Variants in PLXDC2 observed in about 807,000 individuals in gnomAD.
The protein encoded by PLXDC2 is plexin domain-containing protein 2.
Under a neutral mutation model 68.9 loss-of-function variants are expected in PLXDC2, and 40 were observed. The observed-to-expected ratio is 0.58, with a 90% confidence interval of 0.45 to 0.76. The LOEUF (loss-of-function observed/expected upper bound fraction) is 0.76, where lower values mean the gene tolerates loss of function less well. Among genes scored for constraint, PLXDC2 ranks in the 30% least tolerant of loss-of-function variants. The probability of loss-of-function intolerance (pLI) is 0.00; values close to 1 mark genes in which losing one functional copy is unlikely to be tolerated. For synonymous variants in PLXDC2, 243 were observed against 234.2 expected (o/e 1.04, Z -0.34); for missense variants, 644 against 661.9 (o/e 0.97, Z 0.30).
intron 1 of PLXDC2, among the ~76,000 whole-genome samples, chr10:19,891,675 C>T (rs752275393): frequency 4.6e-5 from 7 of 152,174 alleles, no homozygotes; most frequent in Non-Finnish European, 8.8e-5. Flanking sequence ...TCGGTAACCT[C>T]TGGAGCGATT....
chr10:19,926,067 T>C (rs1833533870), intron 1 of PLXDC2, among the ~76,000 whole-genome samples: 1 of 152,066 alleles, frequency 6.6e-6, no homozygotes, highest in South Asian at 2.1e-4. Context: ...ATAGGACAAA[T>C]AGGAGTAAAC....
chr10:20,142,432 A>G (rs2460594), intron 4 of PLXDC2, among the ~76,000 whole-genome samples: 136,663 of 152,082 alleles, frequency 0.9, 61,674 homozygotes, highest in Non-Finnish European at 0.94. Context: ...CTCCTTTCAG[A>G]CAGCTAAAGA....
At chr10:19,865,188 C>T (rs1395670689) in intron 1 of PLXDC2, among the ~76,000 whole-genome samples, 2 of 152,138 alleles carry the variant, frequency 1.3e-5, no homozygotes, top group African/African-American at 2.4e-5. Flanking sequence ...TGTAAGACCA[C>T]GGATTTTCTG....
chr10:20,024,099 T>C (rs1435471629), intron 2 of PLXDC2, among the ~76,000 whole-genome samples: 1 of 152,176 alleles, frequency 6.6e-6, no homozygotes, highest in Non-Finnish European at 1.5e-5. Context: ...CCACCTACAG[T>C]TTCCAAGGCA....
At position 19,952,451 on chromosome 10, in the gene PLXDC2, G is replaced by A. The variant is rs145119352; in HGVS notation, c.113-49324G>A. On this transcript the variant is annotated intron_variant, in intron 1 of 13. Transcript: ENST00000377252. ...ATTCAACCTTAATTGAATAAATACC[G>A]TATGGATTCTCCCACAGGATCTCAA... 4.1e-3 allele frequency among the ~76,000 whole-genome samples: 627 copies of A among 152,238 alleles called. 5 individuals are homozygous for A. Among genetic ancestry groups the A allele is most frequent in the African/African-American group, 0.013 (537 of 41,538 alleles).
chr10:20,174,975 G>T (rs752086194), intron 7 of PLXDC2, among the ~76,000 whole-genome samples: 3 of 152,034 alleles, frequency 2.0e-5, no homozygotes, highest in Non-Finnish European at 2.9e-5. Context: ...GGAGGTCATC[G>T]TTGGGTGTAA....
chr10:20,034,275 A>G (rs1835544737), intron 2 of PLXDC2, among the ~76,000 whole-genome samples: 2 of 152,320 alleles, frequency 1.3e-5, no homozygotes, highest in South Asian at 4.1e-4. Context: ...TTAGACAGAA[A>G]TATATTTGGA....
chr10:19,885,784 G>A (rs1208276713), intron 1 of PLXDC2, among the ~76,000 whole-genome samples: 1 of 152,182 alleles, frequency 6.6e-6, no homozygotes, highest in Non-Finnish European at 1.5e-5. Context: ...AAGTCAGGTA[G>A]CATGATGCCT....
At chr10:19,917,405 A>G (rs1287343970) in intron 1 of PLXDC2, among the ~76,000 whole-genome samples, 1 of 152,166 alleles carries the variant, frequency 6.6e-6, no homozygotes, top group African/African-American at 2.4e-5. Flanking sequence ...TCCATCCTGA[A>G]ATTGAGCATC....
chr10:19,822,934 G>A (rs1189512682), intron 1 of PLXDC2, among the ~76,000 whole-genome samples: 1 of 142,810 alleles, frequency 7.0e-6, no homozygotes. Context: ...TTTTTTTTTT[G>A]AGACAGAGTC....
intron 1 of PLXDC2, among the ~76,000 whole-genome samples, chr10:19,942,919 A>G (rs1282585659): frequency 1.3e-5 from 2 of 152,230 alleles, no homozygotes; most frequent in Non-Finnish European, 2.9e-5. Flanking sequence ...TGTAGGGGAA[A>G]ATCAAGCAGC....
chr10:20,109,806 G>T (rs1833535566), intron 4 of PLXDC2, among the ~76,000 whole-genome samples: 1 of 152,094 alleles, frequency 6.6e-6, no homozygotes, highest in Non-Finnish European at 1.5e-5. Context: ...ACCTTCCAGA[G>T]GGCAAGATCC....
chr10:20,074,711 A>G (rs1468338080), intron 4 of PLXDC2, among the ~76,000 whole-genome samples: 2 of 152,158 alleles, frequency 1.3e-5, no homozygotes, highest in African/African-American at 4.8e-5. Context: ...ACAGGAATAA[A>G]AGGCTTTTTA....
intron 1 of PLXDC2, among the ~76,000 whole-genome samples, chr10:19,902,210 T>C (rs1374713367): frequency 6.6e-6 from 1 of 152,096 alleles, no homozygotes. Flanking sequence ...CTGTGAAAAA[T>C]CATAGCAGTA....
At chr10:19,852,339 T>A (rs1379967204) in intron 1 of PLXDC2, among the ~76,000 whole-genome samples, 1 of 141,092 alleles carries the variant, frequency 7.1e-6, no homozygotes, top group Non-Finnish European at 1.5e-5. Flanking sequence ...GGTAGGAGGA[T>A]CCCTTAAGCC....
intron 10 of PLXDC2, among the ~76,000 whole-genome samples, chr10:20,215,816 A>G (rs769309327): frequency 6.6e-6 from 1 of 152,206 alleles, no homozygotes; most frequent in Non-Finnish European, 1.5e-5. Context: ...ATGCCTATTT[A>G]TCAAGGAAAT....
intron 1 of PLXDC2, among the ~76,000 whole-genome samples, chr10:19,887,146 G>C (rs1388880256): frequency 6.6e-6 from 1 of 152,134 alleles, no homozygotes; most frequent in East Asian, 1.9e-4. Context: ...GTCTTTTGTA[G>C]TTGCCAATAA....
chr10:20,054,922 T>G (rs953302247), intron 3 of PLXDC2, among the ~76,000 whole-genome samples: 1 of 152,164 alleles, frequency 6.6e-6, no homozygotes, highest in Non-Finnish European at 1.5e-5. Flanking sequence ...ATATTTCTAT[T>G]TATATCTTTC....
intron 1 of PLXDC2, among the ~76,000 whole-genome samples, chr10:19,950,272 T>A (rs1459326668): frequency 6.6e-6 from 1 of 152,180 alleles, no homozygotes; most frequent in Non-Finnish European, 1.5e-5. Context: ...CCCTAAAGAC[T>A]CTACCAAAAG....
Sources: gnomAD v4.1 joint callset for allele counts (sites outside exome capture counted in the v4.1 genomes callset) on GRCh38, gnomAD v4.1.1 for gene constraint, MANE v1.5 for transcripts, NCBI Gene and HGNC (gene_info 2026-07-23, HGNC 2026-07-21) for gene names.